The following RASGRP3 variants were observed in gnomAD, a reference collection of about 807,000 sequenced individuals.
The protein encoded by RASGRP3 is ras guanyl-releasing protein 3.
A neutral mutation model predicts 82.7 loss-of-function variants in RASGRP3; 54 were observed. The ratio of observed to expected loss-of-function variants is 0.65; its 90% CI spans 0.52 to 0.82. The LOEUF (loss-of-function observed/expected upper bound fraction) is 0.82. Ranked by LOEUF, RASGRP3 falls within the 40% of genes least tolerant of loss-of-function variation. RASGRP3 has a pLI of 0.00. For synonymous variants in RASGRP3, 309 were observed against 300.5 expected (o/e 1.03, Z -0.29); for missense variants, 861 against 828.9 (o/e 1.04, Z -0.48).
chr2:33,479,343 C>T (rs1160149181), intron 1 of RASGRP3, among the ~76,000 whole-genome samples: 11 of 152,174 alleles, frequency 7.2e-5, no homozygotes, highest in South Asian at 2.1e-4. Context: ...CTCCAGCACA[C>T]GGCTCCCATG....
At chr2:33,458,210 T>G (rs1423121407) in intron 2 of RASGRP3, 10 of 152,240 alleles carry the variant, frequency 6.6e-5, no homozygotes, top group Non-Finnish European at 1.3e-4. Flanking sequence ...GAATTTTGGT[T>G]GGTTGAATGC....
chr2:33,507,193 C>G lies in RASGRP3; in HGVS notation c.-260-4517C>G, dbSNP rs534734498. ...GGCAGATCACTTGAGATCAGGAATTCAGACCATCCTGGCCAACATGGTGAA... is the reference window on the plus strand; with the variant it reads ...GGCAGATCACTTGAGATCAGGAATTGAGACCATCCTGGCCAACATGGTGAA... On this transcript the variant is annotated intron_variant, in intron 1 of 17. Transcript: ENST00000403687. Among the ~76,000 whole-genome samples the G allele has an allele frequency of 5.3e-5, 8 of 152,222 alleles. No individual in the cohort carries two copies. The East Asian group carries it at 1.5e-3, about 29-fold the overall frequency.
intron 15 of RASGRP3, among the ~76,000 whole-genome samples, chr2:33,557,584 C>A (rs1329222357): frequency 6.6e-6 from 1 of 151,976 alleles, no homozygotes; most frequent in South Asian, 2.1e-4. Context: ...GTGGCGGGCA[C>A]CTGTAGTCCC....
chr2:33,477,893 A>G (rs1558420637), intron 1 of RASGRP3, among the ~76,000 whole-genome samples: 1 of 152,122 alleles, frequency 6.6e-6, no homozygotes, highest in South Asian at 2.1e-4. Context: ...AGTCTCACCA[A>G]ATAGTTGTTT....
chr2:33,518,557 A>T (rs1169993893), intron 4 of RASGRP3, among the ~76,000 whole-genome samples: 1 of 152,202 alleles, frequency 6.6e-6, no homozygotes, highest in East Asian at 1.9e-4. Flanking sequence ...ATAATAAATT[A>T]ACCTTAGCTT....
chr2:33,558,659 T>TA lies in RASGRP3; in HGVS notation c.1706-13_1706-12insA. On this transcript the variant is annotated splice_polypyrimidine_tract_variant and intron_variant, in intron 16 of 17. Coordinates refer to ENST00000403687, the MANE Select transcript of RASGRP3 (RefSeq NM_001139488.2). ...TCAGATGTCAAATAATCACCACCCTTTTTCACTTCCAGCGCAGGATGAGGT... is the reference window on the plus strand; with the variant it reads ...TCAGATGTCAAATAATCACCACCCTTATTTCACTTCCAGCGCAGGATGAGGT... 1 of 1,574,270 alleles carries TA rather than the reference T, an allele frequency of 6.4e-7. No homozygotes were observed. Among genetic ancestry groups the TA allele is most frequent in the South Asian group, 1.2e-5 (1 of 84,188 alleles).
intron 9 of RASGRP3, among the ~76,000 whole-genome samples, chr2:33,525,038 C>T (rs1040523467): frequency 6.7e-6 from 1 of 149,666 alleles, no homozygotes; most frequent in Non-Finnish European, 1.5e-5. Flanking sequence ...CCGAGATCAC[C>T]CCACTGCACT....
intron 1 of RASGRP3, among the ~76,000 whole-genome samples, chr2:33,478,753 A>G (rs1265920161): frequency 6.6e-6 from 1 of 152,240 alleles, no homozygotes; most frequent in Non-Finnish European, 1.5e-5. Flanking sequence ...TAGCAAATTT[A>G]TCGGAGTTAC....
At chr2:33,496,993 C>T (rs549192638) in intron 1 of RASGRP3, among the ~76,000 whole-genome samples, 1 of 152,208 alleles carries the variant, frequency 6.6e-6, no homozygotes, top group Non-Finnish European at 1.5e-5. Context: ...TTAGATACTT[C>T]AGCATTTTTT....
chr2:33,539,058 A>T (rs961485109), intron 11 of RASGRP3, 36 bp from the exon 12 acceptor site: 2 of 1,379,200 alleles, frequency 1.5e-6, no homozygotes, highest in Non-Finnish European at 2.0e-6. Context: ...ATAATAATAA[A>T]GTTGAAAAAT....
At position 33,539,171 on chromosome 2, in the gene RASGRP3, C is replaced by T. The variant is rs201653344; in HGVS notation, c.1239C>T (p.Asp413=). ...EWALGVMPKP[D]PTVINKHIRK... ...CATTAGGGGTGATGCCAAAGCCAGA[C>T]CCCACGGTCATCAACAAGCACATAA... Residue 413 remains aspartate (D), a synonymous_variant, in exon 12 of 18, where the codon GAC becomes GAT. Coordinates refer to ENST00000403687, the MANE Select transcript of RASGRP3 (RefSeq NM_001139488.2). 68 of 1,610,736 alleles carry T rather than the reference C, an allele frequency of 4.2e-5. No individual in the cohort carries two copies. The African/African-American group carries it at 8.8e-4, about 21-fold the overall frequency.
At chr2:33,526,263 C>G (rs1162114798) in intron 9 of RASGRP3, among the ~76,000 whole-genome samples, 8 of 152,148 alleles carry the variant, frequency 5.3e-5, no homozygotes, top group Non-Finnish European at 4.4e-5. Flanking sequence ...GAAACAGACT[C>G]TGTCTGAGTC....
intron 13 of RASGRP3, among the ~76,000 whole-genome samples, chr2:33,548,308 C>G (rs1457647053): frequency 7.3e-6 from 1 of 137,264 alleles, no homozygotes; most frequent in African/African-American, 2.7e-5. Flanking sequence ...TTGCAGTGAG[C>G]CGAGATTGTG....
At position 33,516,556 on chromosome 2, in the gene RASGRP3, C is replaced by A. The variant is rs1258950155; in HGVS notation, c.85C>A (p.Leu29Met). ...CIEMFDDNGELDNSYLPRIVL... is the reference protein window; with the variant it reads ...CIEMFDDNGEMDNSYLPRIVL... ...TTTTCTAACAGATGACAATGGAGAG[C>A]TGGATAATAGTTATTTGCCAAGAAT... The change falls in exon 4 of 18, where the codon CTG becomes ATG. Residue 29 changes from leucine to methionine, a missense_variant. Physicochemically the swap from Leu to Met is conservative, Grantham distance 15. Transcript: ENST00000403687. 6.4e-7 allele frequency: 1 copy of A among 1,571,284 alleles called. No homozygotes were observed. Among genetic ancestry groups the A allele is most frequent in the South Asian group, 1.1e-5 (1 of 87,086 alleles).
intron 2 of RASGRP3, among the ~76,000 whole-genome samples, chr2:33,457,058 A>T (rs1003530567): frequency 4.0e-5 from 6 of 151,816 alleles, no homozygotes; most frequent in African/African-American, 7.3e-5. Flanking sequence ...GTGGATAGAG[A>T]TGGGGTTTCC....
chr2:33,541,035 CTGGGAA>C (rs2151073218), intron 12 of RASGRP3, among the ~76,000 whole-genome samples: 1 of 146,834 alleles, frequency 6.8e-6, no homozygotes, highest in Non-Finnish European at 1.5e-5. Context: ...ACAGAAACTA[CTGGGAA>C]TTAATTAAAA....
At chr2:33,450,131 G>A (rs1207673533) in intron 2 of RASGRP3, among the ~76,000 whole-genome samples, 2 of 152,042 alleles carry the variant, frequency 1.3e-5, no homozygotes, top group Non-Finnish European at 2.9e-5. Flanking sequence ...AACTAAAATT[G>A]TATATATTTA....
intron 2 of RASGRP3, among the ~76,000 whole-genome samples, chr2:33,467,214 C>G (rs952821029): frequency 6.6e-6 from 1 of 152,118 alleles, no homozygotes; most frequent in African/African-American, 2.4e-5. Context: ...TGAACACCGG[C>G]ACTATATTTT....
chr2:33,508,995 G>A (rs75534800), intron 1 of RASGRP3, among the ~76,000 whole-genome samples: 6,685 of 152,226 alleles, frequency 0.044, 480 homozygotes, highest in African/African-American at 0.15. Context: ...CTAAAGCAAG[G>A]CTGGCATTTG....
Sources: gnomAD v4.1 joint callset for allele counts (sites outside exome capture counted in the v4.1 genomes callset) on GRCh38, gnomAD v4.1.1 for gene constraint, MANE v1.5 for transcripts, NCBI Gene and HGNC (gene_info 2026-07-23, HGNC 2026-07-21) for gene names.